The following TGM1 variants were observed in gnomAD, a reference collection of about 807,000 sequenced individuals.
TGM1 encodes the protein protein-glutamine gamma-glutamyltransferase K.
A neutral mutation model predicts 88.7 loss-of-function variants in TGM1; 63 were observed. The ratio of observed to expected loss-of-function variants is 0.71; its 90% CI spans 0.58 to 0.88. The LOEUF (loss-of-function observed/expected upper bound fraction) is 0.88, where lower values mean the gene tolerates loss of function less well. Ranked by LOEUF, TGM1 falls within the 40% of genes least tolerant of loss-of-function variation. The probability of loss-of-function intolerance (pLI) is 0.00; values close to 1 mark genes in which losing one functional copy is unlikely to be tolerated. For synonymous variants in TGM1, 415 were observed against 431.1 expected (o/e 0.96, Z 0.46); for missense variants, 996 against 1,118.0 (o/e 0.89, Z 1.56).
In TGM1 at chr14:24,260,001, G is replaced by A. The variant is rs1376402244; in HGVS notation, c.815C>T (p.Ser272Phe). The A allele has an allele frequency of 6.2e-7, 1 of 1,614,038 alleles. No individual in the cohort carries two copies. The highest frequency in any genetic ancestry group is 8.5e-7 in the Non-Finnish European group (1 of 1,180,044). Reference protein sequence around the residue: ...DWRQEYVLNESGRIYYGTEAQ... With the variant: ...DWRQEYVLNEFGRIYYGTEAQ... ...TTCGGTCCCGTAGTAAATTCTCCCA[G>A]ACTCATTAAGAACATACTCCTGCCG... Residue 272 changes from serine (S) to phenylalanine (F), a missense_variant, in exon 5 of 15, where the codon TCT (serine) becomes TTT (phenylalanine). Physicochemically the swap from Ser to Phe is radical, Grantham distance 155. Coordinates refer to ENST00000206765, the MANE Select transcript of TGM1 (RefSeq NM_000359.3).
chr14:24,259,801 C>T lies in TGM1; in HGVS notation c.887G>A (p.Gly296Glu), dbSNP rs758067421. ...RTWNYGQFDH[G>E]VLDACLYILD... ...GATGTATAAGCAGGCATCCAGCACCCCGTGGTCAAACTGGAAGGAGGGATG... is the reference window on the plus strand; with the variant it reads ...GATGTATAAGCAGGCATCCAGCACCTCGTGGTCAAACTGGAAGGAGGGATG... The change falls in exon 6 of 15, where the codon GGG becomes GAG. Residue 296 changes from glycine to glutamate, a missense_variant. Transcript: ENST00000206765. The surrounding 1 kb of genome is among the most constrained non-coding windows in gnomAD (Gnocchi z 5.7). 3.7e-6 allele frequency: 6 copies of T among 1,613,150 alleles called. No homozygotes were observed. The highest frequency in any genetic ancestry group is 5.1e-6 in the Non-Finnish European group (6 of 1,179,898).
rs1177902720 is a variant in TGM1, at chr14:24,262,714, C to T, written c.-2-360G>A. ...CACACACATCAGAGTGCTCCAGCAT[C>T]CCTGGGCCTGGTCCGTCCACCTGCT... On this transcript the variant is annotated intron_variant, in intron 1 of 14. Coordinates refer to ENST00000206765, the MANE Select transcript of TGM1 (RefSeq NM_000359.3). Among the ~76,000 whole-genome samples, 4 of 152,366 alleles carry T rather than the reference C, an allele frequency of 2.6e-5. No individual in the cohort carries two copies. The East Asian group carries it at 7.7e-4, about 29-fold the overall frequency.
In TGM1 at chr14:24,261,698, T is replaced by C. The variant is rs1210676541; in HGVS notation, c.505A>G (p.Ile169Val). ...SSDRITLELL[I>V]GNNPEVGKGT... ...TCCCAATCCAAGCCCCACTGACCGA[T>C]GAGTAACTCAAGGGTGATGCGATCA... The change falls in exon 3 of 15, where the codon ATC becomes GTC. Residue 169 changes from isoleucine (I) to valine (V), a missense_variant. Coordinates refer to ENST00000206765, the MANE Select transcript of TGM1 (RefSeq NM_000359.3). 2 of 1,614,020 alleles carry C rather than the reference T, an allele frequency of 1.2e-6. No homozygotes were observed. Among genetic ancestry groups the C allele is most frequent in the South Asian group, 1.1e-5 (1 of 91,070 alleles).
At position 24,261,847 on chromosome 14, in the gene TGM1, C is replaced by T; in HGVS notation, c.356G>A (p.Ser119Asn). ...TCGGCGGTTCTGGTCCGAGCGCGAGCTCAGCAAGTCCACACCGTTCACTAC... is the reference window on the plus strand; with the variant it reads ...TCGGCGGTTCTGGTCCGAGCGCGAGTTCAGCAAGTCCACACCGTTCACTAC... Reference protein sequence around the residue: ...MLVVNGVDLLSSRSDQNRREH... With the variant: ...MLVVNGVDLLNSRSDQNRREH... Residue 119 changes from serine to asparagine, a missense_variant, in exon 3 of 15, where the codon AGC (serine) becomes AAC (asparagine). Coordinates refer to ENST00000206765, the MANE Select transcript of TGM1 (RefSeq NM_000359.3). The T allele has an allele frequency of 6.2e-7, 1 of 1,613,916 alleles. No individual in the cohort carries two copies. The highest frequency in any genetic ancestry group is 8.5e-7 in the Non-Finnish European group (1 of 1,180,010).
rs2228336 is a variant in TGM1, at chr14:24,262,068, G to A, written c.285C>T (p.Ser95=). Residue 95 remains serine, a synonymous_variant, in exon 2 of 15, where the codon AGC becomes AGT. Coordinates refer to ENST00000206765, the MANE Select transcript of TGM1 (RefSeq NM_000359.3). ...TGCCATCTCCAGCTGCATTGACACC[G>A]CTGCCCCGGGATACAGGCCGGCGGG... The part of the protein sequence containing the change: ...SDSRRPVSRG[S]GVNAAGDGTI... The A allele has an allele frequency of 9.6e-4, 1,545 of 1,613,616 alleles. 10 individuals carry two copies. The African/African-American group carries it at 0.019, about 19-fold the overall frequency.
At chr14:24,249,590 G>C in intron 14 of TGM1, 49 bp from the exon 15 acceptor site, 2 of 1,531,994 alleles carry the variant, frequency 1.3e-6, no homozygotes, top group Non-Finnish European at 1.8e-6. Context: ...GGGGTGGAGT[G>C]GGGAGTAAGA....
rs1051220102 is a variant in TGM1, at chr14:24,255,684, G to A, written c.1492-167C>T. 1.3e-5 allele frequency among the ~76,000 whole-genome samples: 2 copies of A among 152,078 alleles called. No homozygotes were observed. Among genetic ancestry groups the A allele is most frequent in the African/African-American group, 2.4e-5 (1 of 41,390 alleles). On this transcript the variant is annotated intron_variant, in intron 10 of 14. Coordinates refer to ENST00000206765, the MANE Select transcript of TGM1 (RefSeq NM_000359.3). The surrounding 1 kb of genome is among the most constrained non-coding windows in gnomAD (Gnocchi z 4.0). ...GGAGACTTTCCAAGACGAGCCAGAC[G>A]AGGCCAGAGTGCAGGGAAGAAGCTG...
intron 9 of TGM1, among the ~76,000 whole-genome samples, chr14:24,257,515 G>T (rs529602434): frequency 6.6e-6 from 1 of 152,240 alleles, no homozygotes; most frequent in East Asian, 1.9e-4. Flanking sequence ...TTTTTTCTAT[G>T]CTGTATATAT....
chr14:24,260,018 C>G lies in TGM1; in HGVS notation c.798G>C (p.Glu266Asp). The change falls in exon 5 of 15, where the codon GAG becomes GAC. Residue 266 changes from glutamate (E) to aspartate (D), a missense_variant. Physicochemically the swap from Glu to Asp is conservative, Grantham distance 45. Coordinates refer to ENST00000206765, the MANE Select transcript of TGM1 (RefSeq NM_000359.3). ...TTCTCCCAGACTCATTAAGAACATA[C>G]TCCTGCCGCCAATCCTCATGGTCCA... ...VYVDHEDWRQEYVLNESGRIY... is the reference protein window; with the variant it reads ...VYVDHEDWRQDYVLNESGRIY... The G allele has an allele frequency of 6.2e-7, 1 of 1,614,216 alleles. No homozygotes were observed. Among genetic ancestry groups the G allele is most frequent in the South Asian group, 1.1e-5 (1 of 91,090 alleles).
chr14:24,260,248 C>T, intron 4 of TGM1, 190 bp from the exon 5 acceptor site: 1 of 996,512 alleles, frequency 1.0e-6, no homozygotes, highest in Non-Finnish European at 1.5e-6. Flanking sequence ...AGCCAGGGGC[C>T]TTTGCCAGGA....
chr14:24,260,528 GTGTGCGGAC>G lies in TGM1; in HGVS notation c.670_678del (p.Val224_Thr226del). On this transcript the variant is annotated inframe_deletion, in exon 4 of 15. Transcript: ENST00000206765. ...AACTGGAACTCCCCAGCGTCTGATT[GTGTGCGGAC>G]TGTGAACTGAAACTTGCCGATGATG... 1 of 1,614,250 alleles carries G rather than the reference GTGTGCGGAC, an allele frequency of 6.2e-7. No homozygotes were observed. Among genetic ancestry groups the G allele is most frequent in the South Asian group, 1.1e-5 (1 of 91,088 alleles).
At chr14:24,250,723 C>G (rs1317739128) in intron 14 of TGM1, among the ~76,000 whole-genome samples, 2 of 152,164 alleles carry the variant, frequency 1.3e-5, no homozygotes, top group Non-Finnish European at 2.9e-5. Context: ...GGAAACTCAC[C>G]CTTCTCTGAG....
intron 14 of TGM1, among the ~76,000 whole-genome samples, chr14:24,251,313 T>C (rs931436091): frequency 2.6e-5 from 4 of 152,326 alleles, no homozygotes; most frequent in Admixed American, 6.5e-5. Flanking sequence ...AGATACAAGA[T>C]TCAAGGTTGT....
chr14:24,260,487 GC>G lies in TGM1; in HGVS notation c.719del (p.Arg240ProfsTer90). 1.2e-6 allele frequency: 2 copies of G among 1,614,146 alleles called. No individual in the cohort carries two copies. Among genetic ancestry groups the G allele is most frequent in the South Asian group, 2.2e-5 (2 of 91,084 alleles). ...AGEFQLPFDP[R>X]NEIYILFNPW... ...GGTTGAAGAGGATGTAGATCTCATTGCGGGGGTCAAAGGGCAACTGGAACTC... is the reference window on the plus strand; with the variant it reads ...GGTTGAAGAGGATGTAGATCTCATTGGGGGGTCAAAGGGCAACTGGAACTC... On this transcript the variant is annotated frameshift_variant, in exon 4 of 15. Coordinates refer to ENST00000206765, the MANE Select transcript of TGM1 (RefSeq NM_000359.3). LOFTEE classifies it high-confidence loss of function.
rs2040821117 is a variant in TGM1, at chr14:24,262,318, C to T, written c.35G>A (p.Trp12Ter). 2 of 1,613,548 alleles carry T rather than the reference C, an allele frequency of 1.2e-6. No individual in the cohort carries two copies. The highest frequency in any genetic ancestry group is 1.3e-5 in the African/African-American group (1 of 74,930). ...MDGPRSDVGR[W>*]GGNPLQPPTT... ...AGGGGGCTGCAAGGGGTTGCCACCC[C>T]AACGGCCCACATCGGAACGTGGCCC... Residue 12 changes from tryptophan (W) to a stop codon, truncating the protein, a stop_gained, in exon 2 of 15, where the codon TGG becomes TAG. Coordinates refer to ENST00000206765, the MANE Select transcript of TGM1 (RefSeq NM_000359.3). LOFTEE classifies it high-confidence loss of function.
At position 24,260,449 on chromosome 14, in the gene TGM1, C is replaced by G; in HGVS notation, c.757+1G>C. Reference sequence around the variant, plus strand: ...CTCTGCTCCAGACCCCAGCTGCTCACCTGGGCACCAGGGGTTGAAGAGGAT... The same window carrying G: ...CTCTGCTCCAGACCCCAGCTGCTCAGCTGGGCACCAGGGGTTGAAGAGGAT... On this transcript the variant is annotated splice_donor_variant, in intron 4 of 14. Coordinates refer to ENST00000206765, the MANE Select transcript of TGM1 (RefSeq NM_000359.3). LOFTEE classifies it high-confidence loss of function. The G allele has an allele frequency of 6.2e-7, 1 of 1,614,206 alleles. No homozygotes were observed. The highest frequency in any genetic ancestry group is 1.3e-5 in the African/African-American group (1 of 75,074).
In TGM1 at chr14:24,254,651, A is replaced by C; in HGVS notation, c.2088+13T>G. On this transcript the variant is annotated intron_variant, in intron 13 of 14. Coordinates refer to ENST00000206765, the MANE Select transcript of TGM1 (RefSeq NM_000359.3). ...CTCTGACCACCCCTCATGCCCCAGC[A>C]AACTGCATTCACCGTGAGGGAGAGG... 1 of 1,613,714 alleles carries C rather than the reference A, an allele frequency of 6.2e-7. No individual in the cohort carries two copies. Among genetic ancestry groups the C allele is most frequent in the Non-Finnish European group, 8.5e-7 (1 of 1,180,030 alleles).
intron 1 of TGM1, 130 bp from the exon 2 acceptor site, chr14:24,262,484 CTCCAGACACA>C (rs2040822635): frequency 1.0e-6 from 1 of 998,332 alleles, no homozygotes; most frequent in Admixed American, 2.0e-5. Context: ...CCCAGAGATT[CTCCAGACACA>C]TCCAGAGACC....
At position 24,249,372 on chromosome 14, in the gene TGM1, C is replaced by G; in HGVS notation, c.2395G>C (p.Ala799Pro). 1 of 1,614,036 alleles carries G rather than the reference C, an allele frequency of 6.2e-7. No homozygotes were observed. Among genetic ancestry groups the G allele is most frequent in the Non-Finnish European group, 8.5e-7 (1 of 1,180,010 alleles). Residue 799 changes from alanine to proline, a missense_variant, in exon 15 of 15, where the codon GCT becomes CCT. By Grantham distance (27) the Ala-to-Pro change is conservative. Transcript: ENST00000206765. ...APGDGGFFSDAGGDSHLGETI... is the reference protein window; with the variant it reads ...APGDGGFFSDPGGDSHLGETI... ...TCTCCTAAGTGACTGTCACCTCCAG[C>G]GTCTGAGAAGAAGCCCCCATCCCCA... is the stretch of plus-strand genomic sequence containing the variant.
Sources: gnomAD v4.1 joint callset for allele counts (sites outside exome capture counted in the v4.1 genomes callset) on GRCh38, gnomAD v4.1.1 for gene constraint, Gnocchi (gnomAD v3.1) non-coding constraint, MANE v1.5 for transcripts, NCBI Gene and HGNC (gene_info 2026-07-23, HGNC 2026-07-21) for gene names.